The following GALNT12 variants were observed in gnomAD, a reference collection of about 807,000 sequenced individuals.
The protein encoded by GALNT12 is polypeptide N-acetylgalactosaminyltransferase 12, also known as UDP-GalNAc:polypeptide N-acetylgalactosaminyltransferase 12.
A neutral mutation model predicts 55.5 loss-of-function variants in GALNT12; 45 were observed. That is an observed-to-expected ratio of 0.81 (90% CI 0.64 to 1.04). The LOEUF (loss-of-function observed/expected upper bound fraction) is 1.04. GALNT12 is among the 50% of genes least tolerant of loss of function. GALNT12 has a pLI of 0.00. For missense variants in GALNT12, 709 were observed against 754.8 expected (o/e 0.94, Z 0.71); for synonymous variants, 304 against 312.2 (o/e 0.97, Z 0.28).
intron 5 of GALNT12, among the ~76,000 whole-genome samples, chr9:98,836,030 C>T (rs1588453014): frequency 6.6e-6 from 1 of 152,196 alleles, no homozygotes; most frequent in Admixed American, 6.5e-5. Context: ...GCCACTGCAC[C>T]CAGCCAACAC....
intron 2 of GALNT12, among the ~76,000 whole-genome samples, chr9:98,823,740 C>T (rs1046470979): frequency 1.3e-5 from 2 of 152,168 alleles, no homozygotes; most frequent in Non-Finnish European, 2.9e-5. Flanking sequence ...GGGGTTGAGG[C>T]TTAAGTGCAA....
At chr9:98,830,349 A>G (rs528137644) in intron 3 of GALNT12, among the ~76,000 whole-genome samples, 155 of 152,086 alleles carry the variant, frequency 1.0e-3, no homozygotes, top group African/African-American at 3.2e-3. Context: ...TCAACCAGGT[A>G]GGGCTCCTGG....
chr9:98,828,795 A>C (rs763207117), intron 3 of GALNT12, among the ~76,000 whole-genome samples: 14 of 152,042 alleles, frequency 9.2e-5, no homozygotes, highest in Non-Finnish European at 1.3e-4. Flanking sequence ...CCCTTCAAGC[A>C]TTTATCTTTG....
chr9:98,822,950 G>A (rs960511226), intron 1 of GALNT12, among the ~76,000 whole-genome samples: 2 of 152,188 alleles, frequency 1.3e-5, no homozygotes, highest in East Asian at 1.9e-4. Context: ...AAAGGAGGGC[G>A]ATGGGGAAGG....
intron 6 of GALNT12, among the ~76,000 whole-genome samples, chr9:98,839,513 C>T (rs1012393884): frequency 1.3e-5 from 2 of 152,182 alleles, no homozygotes; most frequent in Non-Finnish European, 2.9e-5. Context: ...TTATTTCATA[C>T]TGAGAACATG....
chr9:98,848,392 G>C (rs2118518464), intron 9 of GALNT12, among the ~76,000 whole-genome samples: 1 of 152,322 alleles, frequency 6.6e-6, no homozygotes, highest in South Asian at 2.1e-4. Context: ...TGGCAGAAAG[G>C]AGAGAAGCAG....
chr9:98,847,491 A>G (rs1221838299), intron 9 of GALNT12: 4 of 152,216 alleles, frequency 2.6e-5, no homozygotes, highest in Admixed American at 6.5e-5. Flanking sequence ...GGTAGTGGAC[A>G]CTAGAAACAA....
At chr9:98,829,104 C>T (rs922441402) in intron 3 of GALNT12, among the ~76,000 whole-genome samples, 5 of 152,058 alleles carry the variant, frequency 3.3e-5, no homozygotes, top group African/African-American at 1.2e-4. Context: ...GCTGGGATTA[C>T]AGGCGTGAGC....
chr9:98,835,143 G>A, intron 4 of GALNT12, 106 bp from the exon 5 acceptor site: 1 of 840,962 alleles, frequency 1.2e-6, no homozygotes, highest in South Asian at 1.3e-5. Flanking sequence ...GATATGCTTA[G>A]AGATGACAGA....
At chr9:98,829,095 C>CT (rs1835930249) in intron 3 of GALNT12, among the ~76,000 whole-genome samples, 1 of 152,036 alleles carries the variant, frequency 6.6e-6, no homozygotes, top group Non-Finnish European at 1.5e-5. Context: ...TCCCAAAGTG[C>CT]TGGGATTACA....
chr9:98,808,709 G>T (rs947039560), intron 1 of GALNT12, among the ~76,000 whole-genome samples: 5 of 152,220 alleles, frequency 3.3e-5, no homozygotes, highest in Non-Finnish European at 7.3e-5. Flanking sequence ...CTGGACTGGA[G>T]CCAGCGTGGT....
In GALNT12 at chr9:98,813,088, C is replaced by A. The variant is rs973238091; in HGVS notation, c.371+5019C>A. 3.9e-5 allele frequency among the ~76,000 whole-genome samples: 6 copies of A among 152,196 alleles called. No homozygotes were observed. In the South Asian group the frequency reaches 1.0e-3, roughly 26 times the overall value. On this transcript the variant is annotated intron_variant, in intron 1 of 9. Coordinates refer to ENST00000375011, the MANE Select transcript of GALNT12 (RefSeq NM_024642.5). ...TCACTATTCTTTCCTGAGTCAGAGA[C>A]CTTTCTGGGATTCTTCTCCTTCTTC...
rs1351680850 is a variant in GALNT12 at position 98,849,981 on chromosome 9, C to A, written c.*889C>A. 1.4e-5 allele frequency: 3 copies of A among 213,402 alleles called. No individual in the cohort carries two copies. Among genetic ancestry groups the A allele is most frequent in the African/African-American group, 2.3e-5 (1 of 44,262 alleles). The allele number at this position is 213,402 out of a possible 1,614,324, so 13.2% of individuals were successfully genotyped here. A position where few individuals can be genotyped will look rare whatever the true frequency, so the allele number is the denominator to read the frequency against. ...GCTGCTGCAACTGCTGTGAAAATTT[C>A]TCTGAGTAATTCTGATTTGTGAATG... is the stretch of plus-strand genomic sequence containing the variant. On this transcript the variant is annotated 3_prime_UTR_variant, in exon 10 of 10. Coordinates refer to ENST00000375011, the MANE Select transcript of GALNT12 (RefSeq NM_024642.5).
chr9:98,828,287 C>A (rs1401479476), intron 3 of GALNT12, among the ~76,000 whole-genome samples: 1 of 152,172 alleles, frequency 6.6e-6, no homozygotes, highest in African/African-American at 2.4e-5. Context: ...TTGTCAGCTG[C>A]AGGTTCTATA....
rs200420144 is a variant in GALNT12 at position 98,831,869 on chromosome 9, G to A, written c.829G>A (p.Gly277Ser). Residue 277 changes from glycine to serine, a missense_variant, in exon 4 of 10, where the codon GGC becomes AGC. Physicochemically the swap from Gly to Ser is moderately conservative, Grantham distance 56. This residue lies in a region of GALNT12 where 315 missense variants were observed against 288.6 expected (regional missense o/e 1.09). Transcript: ENST00000375011. Reference sequence around the variant, plus strand: ...GGGGAACTCCGGGGAGCCCCAGATCGGCGGTTTCGACTGGAGGCTGGTGTT... The same window carrying A: ...GGGGAACTCCGGGGAGCCCCAGATCAGCGGTTTCGACTGGAGGCTGGTGTT... The part of the protein sequence containing the change: ...YLGNSGEPQI[G>S]GFDWRLVFTW... The A allele has an allele frequency of 4.7e-5, 76 of 1,614,044 alleles. No individual in the cohort carries two copies. The highest frequency in any genetic ancestry group is 3.3e-4 in the East Asian group (15 of 44,874).
intron 7 of GALNT12, among the ~76,000 whole-genome samples, chr9:98,841,035 G>A (rs548563724): frequency 5.5e-4 from 84 of 152,244 alleles, no homozygotes; most frequent in African/African-American, 2.0e-3. Flanking sequence ...GTTTCTCTTT[G>A]AGTGGCTGGC....
At position 98,836,981 on chromosome 9, in the gene GALNT12, T is replaced by C. The variant is rs776418135; in HGVS notation, c.1045T>C (p.Cys349Arg). ...NLEFSFRIWQ[C>R]GGVLETHPCS... ...TTTTCTCTGTGTGCAGATCTGGCAG[T>C]GTGGTGGGGTTCTGGAAACACACCC... is the stretch of plus-strand genomic sequence containing the variant. Residue 349 changes from cysteine (C) to arginine (R), a missense_variant, in exon 6 of 10, where the codon TGT (cysteine) becomes CGT (arginine). This residue lies in a region of GALNT12 where 262 missense variants were observed against 310.7 expected (regional missense o/e 0.84). Coordinates refer to ENST00000375011, the MANE Select transcript of GALNT12 (RefSeq NM_024642.5). 1 of 1,614,062 alleles carries C rather than the reference T, an allele frequency of 6.2e-7. No homozygotes were observed. Among genetic ancestry groups the C allele is most frequent in the Non-Finnish European group, 8.5e-7 (1 of 1,180,008 alleles).
At chr9:98,841,762 A>C (rs1233631509) in intron 7 of GALNT12, among the ~76,000 whole-genome samples, 1 of 150,964 alleles carries the variant, frequency 6.6e-6, no homozygotes, top group East Asian at 2.0e-4. Flanking sequence ...CCTCTGCCTC[A>C]TGGGTTCAAG....
At chr9:98,831,708 CCCAA>C in intron 3 of GALNT12, 60 bp from the exon 4 acceptor site, 1 of 1,573,254 alleles carries the variant, frequency 6.4e-7, no homozygotes, top group Non-Finnish European at 8.7e-7. Context: ...CCTTGAATTT[CCCAA>C]TTGTCTTCCT....
Sources: allele counts gnomAD v4.1 joint callset (sites outside exome capture counted in the v4.1 genomes callset), GRCh38; gene constraint gnomAD v4.1.1; regional missense constraint gnomAD v4.1.1; transcripts MANE v1.5; gene names NCBI Gene and HGNC (gene_info 2026-07-23, HGNC 2026-07-21).